Variants in EXOC6B observed in about 807,000 individuals in gnomAD.
The protein encoded by EXOC6B is SEC15 homolog B.
EXOC6B carries 54 observed loss-of-function variants against 113.5 expected under a neutral mutation model. That is an observed-to-expected ratio of 0.48 (90% CI 0.38 to 0.60). The LOEUF is 0.60. EXOC6B is among the 20% of genes least tolerant of loss of function. EXOC6B has a pLI of 0.00. For missense variants in EXOC6B, 797 were observed against 977.5 expected (o/e 0.82, Z 2.46); for synonymous variants, 357 against 339.0 (o/e 1.05, Z -0.58).
intron 19 of EXOC6B, among the ~76,000 whole-genome samples, chr2:72,371,304 G>A (rs1046521020): frequency 6.6e-6 from 1 of 152,112 alleles, no homozygotes; most frequent in Non-Finnish European, 1.5e-5. Context: ...AAACTGTTCT[G>A]AAAAATTGAG....
rs1001740863 is a variant in EXOC6B at position 72,652,689 on chromosome 2, A to G, written c.669+65414T>C. Among the ~76,000 whole-genome samples the G allele has an allele frequency of 4.7e-5, 7 of 148,640 alleles. No individual in the cohort carries two copies. The Admixed American group carries it at 4.7e-4, about 10-fold the overall frequency. ...AATATATGTATATATAAATGATTGT[A>G]TACATTATGAGATTTTTACTTTTTT... is the stretch of plus-strand genomic sequence containing the variant. On this transcript the variant is annotated intron_variant, in intron 6 of 21. Coordinates refer to ENST00000272427, the MANE Select transcript of EXOC6B (RefSeq NM_015189.3).
At position 72,781,905 on chromosome 2, in the gene EXOC6B, G is replaced by A. The variant is rs568022676; in HGVS notation, c.114-40436C>T. Among the ~76,000 whole-genome samples the A allele has an allele frequency of 3.9e-5, 6 of 152,190 alleles. No individual in the cohort carries two copies. The East Asian group carries it at 9.7e-4, about 24-fold the overall frequency. The stretch of plus-strand genomic sequence containing the variant: ...TGTAATCCCAGAACTTTGGGAGGCC[G>A]AGGTGGGAGGATCATTTGAGGTCAG... On this transcript the variant is annotated intron_variant, in intron 1 of 21. Coordinates refer to ENST00000272427, the MANE Select transcript of EXOC6B (RefSeq NM_015189.3).
chr2:72,419,107 C>T (rs1315018845), intron 18 of EXOC6B, among the ~76,000 whole-genome samples: 1 of 152,162 alleles, frequency 6.6e-6, no homozygotes, highest in Middle Eastern at 3.2e-3. Context: ...ATAGCTCGAT[C>T]TCCACCCCTT....
chr2:72,586,455 G>C (rs1430526841), intron 6 of EXOC6B, among the ~76,000 whole-genome samples: 2 of 152,008 alleles, frequency 1.3e-5, no homozygotes, highest in Non-Finnish European at 2.9e-5. Flanking sequence ...CTCAAAAAAA[G>C]ACACACCGCA....
rs368382549 is a variant in EXOC6B, at chr2:72,338,764, T to C, written c.2123-3744A>G. Among the ~76,000 whole-genome samples, 23 of 152,142 alleles carry C rather than the reference T, an allele frequency of 1.5e-4. 1 individual carries two copies. The highest frequency in any genetic ancestry group is 4.8e-4 in the African/African-American group (20 of 41,530). ...AATATAATACGCACAGAAAACATGA[T>C]AGTAAGCACTCACTTCATAATGTTA... On this transcript the variant is annotated intron_variant, in intron 19 of 21. Transcript: ENST00000272427.
chr2:72,740,389 T>C (rs1009743122), intron 2 of EXOC6B, among the ~76,000 whole-genome samples: 16 of 152,206 alleles, frequency 1.1e-4, no homozygotes, highest in African/African-American at 2.2e-4. Flanking sequence ...AGTGTTTACA[T>C]AGAAAACTCA....
intron 1 of EXOC6B, among the ~76,000 whole-genome samples, chr2:72,810,249 G>A (rs866637962): frequency 6.6e-6 from 1 of 151,868 alleles, no homozygotes; most frequent in Non-Finnish European, 1.5e-5. Flanking sequence ...CTGTGGTGGT[G>A]CACGCCTATA....
intron 17 of EXOC6B, among the ~76,000 whole-genome samples, chr2:72,480,157 T>C (rs553845384): frequency 1.4e-4 from 21 of 151,626 alleles, no homozygotes; most frequent in South Asian, 4.2e-4. Flanking sequence ...TGAGCCAAGA[T>C]TGCACCACTG....
chr2:72,338,736 T>A (rs185850133), intron 19 of EXOC6B, among the ~76,000 whole-genome samples: 41 of 152,138 alleles, frequency 2.7e-4, no homozygotes, highest in African/African-American at 9.9e-4. Flanking sequence ...TTCAACTATA[T>A]AAAATATAAT....
chr2:72,628,682 G>A (rs1672208820), intron 6 of EXOC6B, among the ~76,000 whole-genome samples: 1 of 152,094 alleles, frequency 6.6e-6, no homozygotes, highest in African/African-American at 2.4e-5. Context: ...ATGAGGATAT[G>A]AGAAGATGGT....
At chr2:72,290,708 T>C (rs1685728540) in intron 20 of EXOC6B, among the ~76,000 whole-genome samples, 1 of 151,956 alleles carries the variant, frequency 6.6e-6, no homozygotes, top group East Asian at 1.9e-4. Context: ...AAAAACGTTT[T>C]TAATATTCAC....
At chr2:72,641,946 G>C (rs1473001000) in intron 6 of EXOC6B, among the ~76,000 whole-genome samples, 4 of 152,220 alleles carry the variant, frequency 2.6e-5, no homozygotes, top group Non-Finnish European at 2.9e-5. Flanking sequence ...AGGCAAAAAG[G>C]GTCCGGAGTG....
intron 18 of EXOC6B, among the ~76,000 whole-genome samples, chr2:72,400,061 C>CA (rs1363929625): frequency 6.6e-6 from 1 of 152,086 alleles, no homozygotes; most frequent in African/African-American, 2.4e-5. Context: ...ATCAAAACAG[C>CA]ATGGTACTGG....
chr2:72,501,760 A>T (rs1279073905), intron 11 of EXOC6B, among the ~76,000 whole-genome samples: 2 of 54,790 alleles, frequency 3.7e-5, no homozygotes, highest in Admixed American at 5.4e-4. Context: ...CAGAAAAAAA[A>T]CACTTTTTTT....
At chr2:72,527,788 C>A (rs1327619424) in intron 8 of EXOC6B, among the ~76,000 whole-genome samples, 1 of 151,920 alleles carries the variant, frequency 6.6e-6, no homozygotes, top group African/African-American at 2.4e-5. Context: ...TGTTGAGTAT[C>A]TTCTCATGTG....
At chr2:72,563,755 C>T (rs1312439941) in intron 7 of EXOC6B, among the ~76,000 whole-genome samples, 3 of 152,020 alleles carry the variant, frequency 2.0e-5, no homozygotes, top group African/African-American at 7.2e-5. Flanking sequence ...ATATCTTTTT[C>T]TTCTTCTCTA....
chr2:72,593,620 T>A (rs1706117240), intron 6 of EXOC6B, among the ~76,000 whole-genome samples: 3 of 130,154 alleles, frequency 2.3e-5, no homozygotes, highest in African/African-American at 3.0e-5. Flanking sequence ...TAAGACAAGA[T>A]GAACAAAAAC....
At chr2:72,514,144 T>A (rs1336502633) in intron 10 of EXOC6B, among the ~76,000 whole-genome samples, 2 of 152,240 alleles carry the variant, frequency 1.3e-5, no homozygotes, top group Non-Finnish European at 2.9e-5. Context: ...TTATAAAGAT[T>A]GTTTTATTGG....
intron 18 of EXOC6B, among the ~76,000 whole-genome samples, chr2:72,403,190 G>C (rs1693465335): frequency 6.6e-6 from 1 of 152,046 alleles, no homozygotes; most frequent in African/African-American, 2.4e-5. Flanking sequence ...TTTCTTCTTG[G>C]GGTTTAGACA....
Sources: allele counts gnomAD v4.1 joint callset (sites outside exome capture counted in the v4.1 genomes callset), GRCh38; gene constraint gnomAD v4.1.1; transcripts MANE v1.5; gene names NCBI Gene and HGNC (gene_info 2026-07-23, HGNC 2026-07-21).